Variants in NDST3 observed in about 807,000 individuals in gnomAD.
NDST3 encodes N-deacetylase and N-sulfotransferase 3, also known as bifunctional heparan sulfate N-deacetylase/N-sulfotransferase 3.
Under a neutral mutation model 96.1 loss-of-function variants are expected in NDST3, and 58 were observed. The observed-to-expected ratio is 0.60, with a 90% CI of 0.49 to 0.75. The LOEUF (loss-of-function observed/expected upper bound fraction) is 0.75, where lower values mean the gene tolerates loss of function less well. Among genes scored for constraint, NDST3 ranks in the 30% least tolerant of loss-of-function variants. NDST3 has a pLI of 0.00. For missense variants in NDST3, 788 were observed against 1,034.2 expected, an observed-to-expected ratio of 0.76 and a Z score of 3.27; for synonymous variants, 333 against 359.7, an observed-to-expected ratio of 0.93 and a Z score of 0.84.
chr4:118,129,883 A>G (rs1273023520), intron 4 of NDST3, among the ~76,000 whole-genome samples: 2 of 152,084 alleles, frequency 1.3e-5, no homozygotes, highest in African/African-American at 2.4e-5. Context: ...GGGTGCATAT[A>G]TATTTTAAAT....
chr4:118,149,230 C>A (rs569748025), intron 6 of NDST3, among the ~76,000 whole-genome samples: 6 of 151,994 alleles, frequency 3.9e-5, no homozygotes, highest in Non-Finnish European at 8.8e-5. Flanking sequence ...ATTGACTTGG[C>A]GATGCGGGCT....
chr4:118,238,193 AAGAAAG>A, intron 10 of NDST3, among the ~76,000 whole-genome samples: 1 of 150,164 alleles, frequency 6.7e-6, no homozygotes, highest in African/African-American at 2.5e-5. Context: ...GAAAGAAAGA[AAGAAAG>A]AAAGAAAGAA....
intron 12 of NDST3, among the ~76,000 whole-genome samples, chr4:118,252,774 C>A (rs1741831588): frequency 6.6e-6 from 1 of 152,136 alleles, no homozygotes; most frequent in African/African-American, 2.4e-5. Context: ...GCCTGTAATT[C>A]TAGCTACTCG....
At chr4:118,052,832 T>C (rs756335534) in intron 1 of NDST3, among the ~76,000 whole-genome samples, 5 of 152,068 alleles carry the variant, frequency 3.3e-5, no homozygotes, top group Non-Finnish European at 7.4e-5. Flanking sequence ...GTTTCTTTCT[T>C]ATTATTTTTC....
rs747142440 is a variant in NDST3 at position 118,240,531 on chromosome 4, G to A, written c.2126G>A (p.Arg709Gln). The A allele has an allele frequency of 3.1e-6, 5 of 1,599,500 alleles. No individual in the cohort carries two copies. The highest frequency in any genetic ancestry group is 1.7e-5 in the Admixed American group (1 of 57,994). Residue 709 changes from arginine to glutamine, a missense_variant, in exon 11 of 14, where the codon CGA becomes CAA. Arg to Gln is a conservative substitution (Grantham distance 43). Coordinates refer to ENST00000296499, the MANE Select transcript of NDST3 (RefSeq NM_004784.3). The part of the protein sequence containing the change: ...DRAYSWYQHQ[R>Q]SHEDPAALKF... ...TCCACCTTTTCATCATAGCATCAGC[G>A]ATCACATGAAGACCCTGCAGCTCTG...
intron 6 of NDST3, among the ~76,000 whole-genome samples, chr4:118,169,626 T>G (rs945588091): frequency 9.2e-5 from 14 of 151,946 alleles, no homozygotes; most frequent in African/African-American, 2.9e-4. Context: ...AAACCCCGTC[T>G]TTACTAAAAA....
chr4:118,136,574 T>C (rs1292205199), intron 4 of NDST3, among the ~76,000 whole-genome samples: 5 of 152,150 alleles, frequency 3.3e-5, no homozygotes, highest in Admixed American at 3.3e-4. Context: ...TTATGGTAAT[T>C]TCTGCAAATG....
At position 118,112,529 on chromosome 4, in the gene NDST3, A is replaced by G. The variant is rs190517795; in HGVS notation, c.1070-2277A>G. On this transcript the variant is annotated intron_variant, in intron 3 of 13. Coordinates refer to ENST00000296499, the MANE Select transcript of NDST3 (RefSeq NM_004784.3). ...AATGTGAGAAAATAAAATGGCAACA[A>G]ATAACTGACACTAATACAGTGTCCT... is the stretch of plus-strand genomic sequence containing the variant. Among the ~76,000 whole-genome samples, 142 of 152,324 alleles carry G rather than the reference A, an allele frequency of 9.3e-4. 1 individual carries two copies. Among genetic ancestry groups the G allele is most frequent in the Admixed American group, 2.1e-3 (32 of 15,296 alleles).
At chr4:118,056,464 TA>T (rs1044885623) in intron 2 of NDST3, among the ~76,000 whole-genome samples, 1 of 151,982 alleles carries the variant, frequency 6.6e-6, no homozygotes, top group Non-Finnish European at 1.5e-5. Flanking sequence ...TTTTCTAAAC[TA>T]ACTAAATGCT....
chr4:118,117,924 A>C (rs1731251474), intron 4 of NDST3, among the ~76,000 whole-genome samples: 1 of 152,186 alleles, frequency 6.6e-6, no homozygotes, highest in South Asian at 2.1e-4. Context: ...CTTGAGGTGG[A>C]ACTCACAGGG....
intron 6 of NDST3, among the ~76,000 whole-genome samples, chr4:118,167,038 C>G (rs2125932394): frequency 6.6e-6 from 1 of 150,564 alleles, no homozygotes; most frequent in Middle Eastern, 3.4e-3. Context: ...AAGTACTAGC[C>G]ATAGCAGTTA....
intron 2 of NDST3, among the ~76,000 whole-genome samples, chr4:118,094,007 C>T (rs1311183292): frequency 2.0e-5 from 3 of 151,778 alleles, no homozygotes; most frequent in Non-Finnish European, 4.4e-5. Flanking sequence ...AAGCCCACTT[C>T]CTCAAGCCTT....
intron 2 of NDST3, among the ~76,000 whole-genome samples, chr4:118,079,006 G>T (rs956651073): frequency 6.6e-6 from 1 of 152,032 alleles, no homozygotes; most frequent in Admixed American, 6.6e-5. Context: ...ATTTTGGAAG[G>T]AATACTAAAA....
intron 9 of NDST3, among the ~76,000 whole-genome samples, chr4:118,236,390 T>A (rs1490577579): frequency 6.6e-6 from 1 of 152,208 alleles, no homozygotes; most frequent in Non-Finnish European, 1.5e-5. Flanking sequence ...CATGAGGATA[T>A]AGAACATGAC....
chr4:118,193,420 C>T (rs1268007978), intron 6 of NDST3: 4 of 677,286 alleles, frequency 5.9e-6, no homozygotes, highest in Non-Finnish European at 9.8e-6. Context: ...CTTCTGTCTC[C>T]ACTTGAGACT....
At chr4:118,037,437 C>T (rs1158935133) in intron 1 of NDST3, among the ~76,000 whole-genome samples, 1 of 152,182 alleles carries the variant, frequency 6.6e-6, no homozygotes, top group Non-Finnish European at 1.5e-5. Context: ...TACCTACCTG[C>T]CTAAGATCAC....
In NDST3 at chr4:118,066,663, A is replaced by T. The variant is rs1259200140; in HGVS notation, c.981+11772A>T. Among the ~76,000 whole-genome samples the T allele has an allele frequency of 3.0e-3, 8 of 2,644 alleles. 1 individual carries two copies. Among genetic ancestry groups the T allele is most frequent in the Non-Finnish European group, 6.6e-3 (5 of 756 alleles). 1.7% of individuals were successfully genotyped at this position (2,644 alleles called of 152,430 possible). On this transcript the variant is annotated intron_variant, in intron 2 of 13. Coordinates refer to ENST00000296499, the MANE Select transcript of NDST3 (RefSeq NM_004784.3). Reference sequence around the variant, plus strand: ...CATTATATATAACATGTTATATATTATATATACATTATATATAACATGTTA... The same window carrying T: ...CATTATATATAACATGTTATATATTTTATATACATTATATATAACATGTTA...
intron 9 of NDST3, among the ~76,000 whole-genome samples, chr4:118,235,667 A>T (rs1740593118): frequency 1.3e-5 from 2 of 152,202 alleles, no homozygotes. Context: ...CACTTGAAAT[A>T]ATCTTAGCAC....
At chr4:118,063,570 TA>T (rs984741992) in intron 2 of NDST3, among the ~76,000 whole-genome samples, 1 of 152,184 alleles carries the variant, frequency 6.6e-6, no homozygotes, top group African/African-American at 2.4e-5. Flanking sequence ...AATCAGCATG[TA>T]AAAAATCTTT....
Sources: allele counts gnomAD v4.1 joint callset (sites outside exome capture counted in the v4.1 genomes callset), GRCh38; gene constraint gnomAD v4.1.1; transcripts MANE v1.5; gene names NCBI Gene and HGNC (gene_info 2026-07-23, HGNC 2026-07-21).